Variants in TRAPPC6B observed in about 807,000 individuals in gnomAD.
The protein encoded by TRAPPC6B is trafficking protein particle complex subunit 6B.
TRAPPC6B carries 27 observed loss-of-function variants against 24.7 expected under a neutral mutation model. That is an observed-to-expected ratio of 1.09 (90% CI 0.81 to 1.51). The LOEUF (loss-of-function observed/expected upper bound fraction) is 1.51, where lower values mean the gene tolerates loss of function less well. TRAPPC6B is among the 40% of genes most tolerant of loss of function. The pLI is 0.00. For synonymous variants in TRAPPC6B, 80 were observed against 66.6 expected, an observed-to-expected ratio of 1.20 and a Z score of -0.98; for missense variants, 212 against 190.8, an observed-to-expected ratio of 1.11 and a Z score of -0.66.
intron 1 of TRAPPC6B, among the ~76,000 whole-genome samples, chr14:39,168,389 C>A (rs562186182): frequency 3.9e-5 from 6 of 151,952 alleles, no homozygotes; most frequent in African/African-American, 1.2e-4. Flanking sequence ...AAACAGTAAA[C>A]CTTGAGGTCA....
Position 39,155,862 on chromosome 14 carries a change from GC to G in TRAPPC6B, c.268-1569del, listed in dbSNP as rs527469286. Among the ~76,000 whole-genome samples, 95 of 152,124 alleles carry G rather than the reference GC, an allele frequency of 6.2e-4. 1 individual carries two copies. Among genetic ancestry groups the G allele is most frequent in the Non-Finnish European group, 1.1e-3 (75 of 67,986 alleles). ...TTATTTTTTTAAGAGACAGAATTTT[GC>G]TGTTATCCAGGCAAAAGTGTAGTAT... On this transcript the variant is annotated intron_variant, in intron 3 of 5. Transcript: ENST00000330149.
chr14:39,154,770 G>A (rs2052956066), intron 3 of TRAPPC6B, among the ~76,000 whole-genome samples: 1 of 152,090 alleles, frequency 6.6e-6, no homozygotes, highest in South Asian at 2.1e-4. Flanking sequence ...AAGCTGAAGA[G>A]TTGCGAGTTC....
chr14:39,169,148 C>G (rs1478612554), intron 1 of TRAPPC6B, among the ~76,000 whole-genome samples: 1 of 152,200 alleles, frequency 6.6e-6, no homozygotes, highest in African/African-American at 2.4e-5. Context: ...GGGCTCCTGA[C>G]TTGAGCATGA....
intron 3 of TRAPPC6B, among the ~76,000 whole-genome samples, chr14:39,154,617 G>T (rs143304614): frequency 6.6e-6 from 1 of 151,978 alleles, no homozygotes; most frequent in Non-Finnish European, 1.5e-5. Context: ...ATGGGGTTTC[G>T]CCATGTTGCC....
chr14:39,164,603 G>A (rs1381103345), intron 1 of TRAPPC6B, among the ~76,000 whole-genome samples: 3 of 152,186 alleles, frequency 2.0e-5, no homozygotes, highest in Non-Finnish European at 4.4e-5. Flanking sequence ...CAGTACATTG[G>A]GAGGCCAAGG....
chr14:39,159,246 C>T (rs960199857), intron 2 of TRAPPC6B: 1 of 220,458 alleles, frequency 4.5e-6, no homozygotes. Context: ...TCTAAAATAG[C>T]TTCAGGAAGA....
intron 5 of TRAPPC6B, among the ~76,000 whole-genome samples, 166 bp from the exon 6 acceptor site, chr14:39,150,547 CT>C (rs531193661): frequency 1.3e-5 from 2 of 151,090 alleles, no homozygotes; most frequent in African/African-American, 2.4e-5. Flanking sequence ...TCTATTTTTT[CT>C]TTTTTTTTGA....
intron 2 of TRAPPC6B, 109 bp from the exon 3 acceptor site, chr14:39,158,511 GT>G: frequency 1.5e-6 from 1 of 686,498 alleles, no homozygotes; most frequent in Non-Finnish European, 2.5e-6. Context: ...CATTTATTGG[GT>G]TTTTTAATTT....
chr14:39,160,611 AGAGGG>A lies in TRAPPC6B; in HGVS notation c.82-1066_82-1062del, dbSNP rs369058906. On this transcript the variant is annotated intron_variant, in intron 1 of 5. Transcript: ENST00000330149. ...AAGAGAAGAGAAAGAAAAGAAAAGA[AGAGGG>A]GAGGGGAGGGGAGGGAAGGGAAGGG... Among the ~76,000 whole-genome samples the A allele has an allele frequency of 3.3e-4, 47 of 141,686 alleles. No homozygotes were observed. The East Asian group carries it at 5.3e-3, about 16-fold the overall frequency. 93.0% of individuals were successfully genotyped at this position (141,686 alleles called of 152,430 possible).
intron 2 of TRAPPC6B, 123 bp from the exon 3 acceptor site, chr14:39,158,525 AT>A (rs371667708): frequency 3.1e-3 from 1,673 of 540,994 alleles, no homozygotes; most frequent in South Asian, 4.2e-3. Context: ...TTTAATTTTA[AT>A]TTTTTTTTTG....
intron 1 of TRAPPC6B, among the ~76,000 whole-genome samples, chr14:39,167,707 T>G (rs1226577571): frequency 2.7e-5 from 4 of 150,110 alleles, no homozygotes; most frequent in African/African-American, 9.9e-5. Flanking sequence ...TACTTTCAAT[T>G]TTCCCCCCCA....
At chr14:39,159,853 C>T (rs1047837740) in intron 1 of TRAPPC6B, among the ~76,000 whole-genome samples, 1 of 151,974 alleles carries the variant, frequency 6.6e-6, no homozygotes, top group East Asian at 1.9e-4. Context: ...GATGGAGTCT[C>T]GCTCTGTCAT....
intron 1 of TRAPPC6B, among the ~76,000 whole-genome samples, chr14:39,161,713 A>G (rs1594541722): frequency 6.6e-6 from 1 of 152,054 alleles, no homozygotes; most frequent in African/African-American, 2.4e-5. Context: ...AAACCAACCC[A>G]CCAGGTACAC....
chr14:39,150,361 G>T lies in TRAPPC6B; in HGVS notation c.466C>A (p.Gln156Lys). The part of the protein sequence containing the change: ...MPACKFQVMI[Q>K]KL ...CATTTCAGTATGTTCTACAGCTTCTGTATCATCACCTGAAATTTGCCTAAA... is the reference window on the plus strand; with the variant it reads ...CATTTCAGTATGTTCTACAGCTTCTTTATCATCACCTGAAATTTGCCTAAA... The change falls in exon 6 of 6, where the codon CAG becomes AAG. Residue 156 changes from glutamine (Q) to lysine (K), a missense_variant. Transcript: ENST00000330149. 1 of 1,581,948 alleles carries T rather than the reference G, an allele frequency of 6.3e-7. No individual in the cohort carries two copies. The highest frequency in any genetic ancestry group is 8.5e-7 in the Non-Finnish European group (1 of 1,170,706).
Position 39,159,524 on chromosome 14 carries a change from C to T in TRAPPC6B, c.108G>A (p.Leu36=), listed in dbSNP as rs749257405. The T allele has an allele frequency of 6.9e-6, 11 of 1,604,776 alleles. No homozygotes were observed. The highest frequency in any genetic ancestry group is 1.1e-5 in the South Asian group (1 of 89,750). ...GTCCCACTCGAAACCCCATGTTTTC[C>T]AGCTTAGTAATACATCGTCCGTTTT... ...EVENGRCITK[L]ENMGFRVGQG... is the part of the protein sequence containing the mutation. The change falls in exon 2 of 6, where the codon CTG becomes CTA. Residue 36 remains leucine (L), a synonymous_variant. Coordinates refer to ENST00000330149, the MANE Select transcript of TRAPPC6B (RefSeq NM_001079537.2).
intron 1 of TRAPPC6B, among the ~76,000 whole-genome samples, chr14:39,165,721 C>T (rs1170632583): frequency 1.3e-5 from 2 of 152,160 alleles, no homozygotes; most frequent in African/African-American, 4.8e-5. Flanking sequence ...CACTTAAGCC[C>T]AGGAGGTCAA....
chr14:39,160,339 A>C (rs1353924750), intron 1 of TRAPPC6B, among the ~76,000 whole-genome samples: 5 of 152,046 alleles, frequency 3.3e-5, no homozygotes, highest in Non-Finnish European at 7.4e-5. Flanking sequence ...GCACTTTAGG[A>C]GGCCAAAGCA....
Position 39,154,251 on chromosome 14 carries a change from T to A in TRAPPC6B, c.311A>T (p.Gln104Leu), listed in dbSNP as rs752443491. The change falls in exon 4 of 6, where the codon CAG becomes CTG. Residue 104 changes from glutamine to leucine, a missense_variant. Physicochemically the swap from Gln to Leu is moderately radical, Grantham distance 113 (BLOSUM62 -2). Coordinates refer to ENST00000330149, the MANE Select transcript of TRAPPC6B (RefSeq NM_001079537.2). ...TAAATACTGTTTTCCTGCAGACATC[T>A]GAGTAAGCAGGCGAAATTTGTTGTC... Reference protein sequence around the residue: ...LQDNKFRLLTQMSAGKQYLEH... With the variant: ...LQDNKFRLLTLMSAGKQYLEH... 6.2e-7 allele frequency: 1 copy of A among 1,613,368 alleles called. No individual in the cohort carries two copies. The highest frequency in any genetic ancestry group is 8.5e-7 in the Non-Finnish European group (1 of 1,179,552).
At chr14:39,160,333 T>C (rs2053040782) in intron 1 of TRAPPC6B, among the ~76,000 whole-genome samples, 1 of 152,012 alleles carries the variant, frequency 6.6e-6, no homozygotes, top group African/African-American at 2.4e-5. Context: ...ATCCCAGCAC[T>C]TTAGGAGGCC....
Sources: allele counts gnomAD v4.1 joint callset (sites outside exome capture counted in the v4.1 genomes callset), GRCh38; gene constraint gnomAD v4.1.1; transcripts MANE v1.5; gene names NCBI Gene and HGNC (gene_info 2026-07-23, HGNC 2026-07-21).